The following PALD1 variants were observed in gnomAD, a reference collection of about 807,000 sequenced individuals.
The protein encoded by PALD1 is phosphatase domain containing paladin 1.
In PALD1, 57 loss-of-function variants were observed where a neutral mutation model predicts 96.0. The ratio of observed to expected loss-of-function variants is 0.59; its 90% CI spans 0.48 to 0.74. The LOEUF (loss-of-function observed/expected upper bound fraction) is 0.74. Ranked by LOEUF, PALD1 falls within the 30% of genes least tolerant of loss-of-function variation. The pLI, the probability that PALD1 is intolerant of heterozygous loss-of-function variation, is 0.00. For synonymous variants in PALD1, 464 were observed against 473.6 expected, an observed-to-expected ratio of 0.98 and a Z score of 0.26; for missense variants, 1,063 against 1,143.7, an observed-to-expected ratio of 0.93 and a Z score of 1.02.
At chr10:70,460,124 C>T in the PALD1 span, among the ~76,000 whole-genome samples, 3 of 152,214 alleles carry the variant, frequency 2.0e-5, no homozygotes, top group Non-Finnish European at 4.4e-5. Context: ...TGCGGCTAAG[C>T]TTCCCTTCCG....
At chr10:70,501,834 T>TGTGTGTGTGTGTGTGTGTGTGTGTGTGC (rs774868338) in intron 1 of PALD1, among the ~76,000 whole-genome samples, 1 of 149,384 alleles carries the variant, frequency 6.7e-6, no homozygotes, top group Non-Finnish European at 1.5e-5. Context: ...TGTGTGTGTG[T>TGTGTGTGTGTGTGTGTGTGTGTGTGTGC]GCGTGCGTGC....
intron 18 of PALD1, among the ~76,000 whole-genome samples, chr10:70,552,746 A>T (rs1299245624): frequency 6.6e-6 from 1 of 152,220 alleles, no homozygotes; most frequent in African/African-American, 2.4e-5. Context: ...GACAGTCGCT[A>T]CTTACCAGCA....
At chr10:70,512,597 C>G (rs924794510) in intron 1 of PALD1, among the ~76,000 whole-genome samples, 11 of 152,246 alleles carry the variant, frequency 7.2e-5, no homozygotes, top group African/African-American at 2.7e-4. Context: ...GGCCCGAGGG[C>G]AAGGGCCAAG....
chr10:70,561,205 C>T (rs1184298065), intron 18 of PALD1, among the ~76,000 whole-genome samples: 6 of 152,374 alleles, frequency 3.9e-5, no homozygotes, highest in South Asian at 4.1e-4. Flanking sequence ...TCCATCCCCA[C>T]GGCTGTGGGA....
intron 7 of PALD1, among the ~76,000 whole-genome samples, chr10:70,533,550 T>C (rs888846415): frequency 1.3e-5 from 2 of 152,164 alleles, no homozygotes; most frequent in Non-Finnish European, 2.9e-5. Flanking sequence ...CTCCTTTCTT[T>C]AGTGGAGCTA....
intron 1 of PALD1, among the ~76,000 whole-genome samples, chr10:70,524,971 C>T (rs1589194822): frequency 6.6e-6 from 1 of 152,074 alleles, no homozygotes; most frequent in South Asian, 2.1e-4. Context: ...GGGAGCTGTG[C>T]CTGTTGAGGA....
chr10:70,547,339 G>A lies in PALD1; in HGVS notation c.2155G>A (p.Gly719Arg), dbSNP rs757983371. The A allele has an allele frequency of 3.1e-6, 5 of 1,613,304 alleles. No individual in the cohort carries two copies. The highest frequency in any genetic ancestry group is 1.3e-5 in the African/African-American group (1 of 74,888). ...VMKVVQLLPD[G>R]HRVKKEVDAA... is the part of the protein sequence containing the mutation. The stretch of plus-strand genomic sequence containing the variant: ...GAAGGTGGTGCAGCTGCTACCCGAT[G>A]GGCACCGTGTGAAGAAGGAGGTGGA... The change falls in exon 18 of 20, where the codon GGG becomes AGG. Residue 719 changes from glycine to arginine, a missense_variant. Coordinates refer to ENST00000263563, the MANE Select transcript of PALD1 (RefSeq NM_014431.3).
intron 1 of PALD1, among the ~76,000 whole-genome samples, chr10:70,517,496 T>A (rs1031123790): frequency 1.3e-5 from 2 of 151,960 alleles, no homozygotes; most frequent in African/African-American, 4.8e-5. Context: ...CATGTGCCAG[T>A]ACGCCTGGCA....
chr10:70,479,848 G>T (rs936894880), intron 1 of PALD1, among the ~76,000 whole-genome samples: 10 of 152,172 alleles, frequency 6.6e-5, no homozygotes, highest in African/African-American at 2.4e-4. Context: ...ACTGGGCCGT[G>T]CCCCTGGAAT....
At chr10:70,478,047 G>T (rs1198571623), upstream of PALD1, among the ~76,000 whole-genome samples, 1 of 151,938 alleles carries the variant, frequency 6.6e-6, no homozygotes, top group Non-Finnish European at 1.5e-5. Flanking sequence ...AGGAGTGGTG[G>T]GGGGGGCAGG....
At chr10:70,487,355 G>A (rs531212813) in intron 1 of PALD1, among the ~76,000 whole-genome samples, 98 of 151,890 alleles carry the variant, frequency 6.5e-4, no homozygotes, top group Admixed American at 1.0e-3. Flanking sequence ...GGATGGTCTC[G>A]ATCTCCTGAC....
Position 70,529,310 on chromosome 10 carries a change from C to A in PALD1, c.267C>A (p.Thr89=). ...HYTLGRLSDN[T]PEHYLVQGRY... The stretch of plus-strand genomic sequence containing the variant: ...CGTTGGGCCGGCTCTCGGACAACAC[C>A]CCTGAGCACTACCTGGTGCAAGTGA... Residue 89 remains threonine (T), a synonymous_variant, in exon 3 of 20, where the codon ACC becomes ACA. Coordinates refer to ENST00000263563, the MANE Select transcript of PALD1 (RefSeq NM_014431.3). 6.3e-7 allele frequency: 1 copy of A among 1,594,264 alleles called. No individual in the cohort carries two copies. The highest frequency in any genetic ancestry group is 8.6e-7 in the Non-Finnish European group (1 of 1,166,768).
intron 1 of PALD1, among the ~76,000 whole-genome samples, chr10:70,515,795 C>G (rs569419071): frequency 1.3e-4 from 20 of 152,224 alleles, no homozygotes; most frequent in Non-Finnish European, 2.6e-4. Flanking sequence ...GATAATGTGA[C>G]TAATGCATGA....
chr10:70,556,706 C>T (rs1330885391), intron 18 of PALD1, among the ~76,000 whole-genome samples: 1 of 152,206 alleles, frequency 6.6e-6, no homozygotes, highest in Admixed American at 6.5e-5. Context: ...TATTCAACAA[C>T]AAACATCCAT....
chr10:70,529,239 A>G lies in PALD1; in HGVS notation c.196A>G (p.Lys66Glu). 6.1e-6 allele frequency: 4 copies of G among 654,666 alleles called. No individual in the cohort carries two copies. The highest frequency in any genetic ancestry group is 7.3e-6 in the Non-Finnish European group (3 of 413,782). The allele number at this position is 654,666 out of a possible 1,614,324, so 40.6% of individuals were successfully genotyped here. A position where few individuals can be genotyped will look rare whatever the true frequency, so the allele number is the denominator to read the frequency against. ...VAPVVITYNC[K>E]EEFQIHDELL... is the part of the protein sequence containing the mutation. Reference sequence around the variant, plus strand: ...CCCCCCCCCCCCCAGGTACAACTGCAAGGAGGAGTTCCAGATCCATGATGA... The same window carrying G: ...CCCCCCCCCCCCCAGGTACAACTGCGAGGAGGAGTTCCAGATCCATGATGA... Residue 66 changes from lysine to glutamate, a missense_variant, in exon 3 of 20, where the codon AAG (lysine) becomes GAG (glutamate). Lys to Glu is a moderately conservative substitution (Grantham distance 56). Coordinates refer to ENST00000263563, the MANE Select transcript of PALD1 (RefSeq NM_014431.3).
At chr10:70,518,548 G>A (rs1362453209) in intron 1 of PALD1, among the ~76,000 whole-genome samples, 1 of 152,162 alleles carries the variant, frequency 6.6e-6, no homozygotes, top group Non-Finnish European at 1.5e-5. Context: ...GGACCCTGAT[G>A]ACATGATCCC....
chr10:70,496,544 T>C (rs2132282028), intron 1 of PALD1, among the ~76,000 whole-genome samples: 1 of 152,360 alleles, frequency 6.6e-6, no homozygotes, highest in Non-Finnish European at 1.5e-5. Flanking sequence ...TCTGGTGTCT[T>C]TCATTCCACA....
At chr10:70,497,810 C>T (rs376386478) in intron 1 of PALD1, among the ~76,000 whole-genome samples, 10 of 152,128 alleles carry the variant, frequency 6.6e-5, no homozygotes, top group African/African-American at 2.2e-4. Context: ...CTCCTGACCT[C>T]GTGATCTGCC....
At position 70,533,033 on chromosome 10, in the gene PALD1, T is replaced by A; in HGVS notation, c.833T>A (p.Leu278Gln). The A allele has an allele frequency of 6.3e-7, 1 of 1,587,088 alleles. No homozygotes were observed. The highest frequency in any genetic ancestry group is 1.3e-5 in the African/African-American group (1 of 74,526). ...RLPLPEQGSP[L>Q]EAQLDAFVSV... The stretch of plus-strand genomic sequence containing the variant: ...CCCCTGCCCGAGCAAGGGAGTCCCC[T>A]GGAGGCCCAGTTGGACGCCTTTGTC... The change falls in exon 7 of 20, where the codon CTG (leucine) becomes CAG (glutamine). Residue 278 changes from leucine (L) to glutamine (Q), a missense_variant. By Grantham distance (113) the Leu-to-Gln change is moderately radical. Transcript: ENST00000263563.
Sources: allele counts gnomAD v4.1 joint callset (sites outside exome capture counted in the v4.1 genomes callset), GRCh38; gene constraint gnomAD v4.1.1; transcripts MANE v1.5; gene names NCBI Gene and HGNC (gene_info 2026-07-23, HGNC 2026-07-21).